SLC16A4: variants seen among roughly 807,000 people sequenced by gnomAD.
The protein encoded by SLC16A4 is solute carrier family 16 member 4.
A neutral mutation model predicts 47.9 loss-of-function variants in SLC16A4; 39 were observed. The ratio of observed to expected loss-of-function variants is 0.81; its 90% CI spans 0.63 to 1.06. The LOEUF (loss-of-function observed/expected upper bound fraction) is 1.06. SLC16A4 is among the 50% of genes least tolerant of loss of function. The pLI, the probability that SLC16A4 is intolerant of heterozygous loss-of-function variation, is 0.00. For missense variants in SLC16A4, 524 were observed against 573.8 expected (o/e 0.91, Z 0.89); for synonymous variants, 189 against 199.9 (o/e 0.95, Z 0.46).
In SLC16A4 at chr1:110,375,480, G is replaced by T; in HGVS notation, c.1314C>A (p.Val438=). 1 of 1,611,648 alleles carries T rather than the reference G, an allele frequency of 6.2e-7. No homozygotes were observed. The highest frequency in any genetic ancestry group is 1.6e-4 in the Middle Eastern group (1 of 6,062). The change falls in exon 8 of 9, where the codon GTC becomes GTA. Residue 438 remains valine, a synonymous_variant. Coordinates refer to ENST00000369779, the MANE Select transcript of SLC16A4 (RefSeq NM_004696.3). ...TACCTGCTATAGGTGGTCCAGAAAG[G>T]ACAGCCATCCCAGCAAAGAAACTGG... ...GLASFFAGMA[V]LSGPPIAGWL...
intron 3 of SLC16A4, 62 bp downstream of exon 3, chr1:110,382,772 A>C: frequency 2.1e-6 from 3 of 1,431,736 alleles, no homozygotes; most frequent in Non-Finnish European, 2.8e-6. Flanking sequence ...TTGAATAGGA[A>C]TCTTGGAATT....
chr1:110,376,924 CAATGTT>C lies in SLC16A4; in HGVS notation c.1242+20_1242+25del, dbSNP rs1485621421. 6 of 1,578,850 alleles carry C rather than the reference CAATGTT, an allele frequency of 3.8e-6. No homozygotes were observed. The Admixed American group carries it at 6.9e-5, about 18-fold the overall frequency. ...TACTTGCTTTTACTAAATGGTTTAA[CAATGTT>C]AATGAGTGTGTCTACTCACCAGTAC... is the stretch of plus-strand genomic sequence containing the variant. On this transcript the variant is annotated intron_variant, in intron 7 of 8. Transcript: ENST00000369779.
chr1:110,383,029 G>A (rs1303406575), intron 2 of SLC16A4, 63 bp from the exon 3 acceptor site: 34 of 1,436,942 alleles, frequency 2.4e-5, no homozygotes, highest in South Asian at 1.7e-4. Flanking sequence ...AGGCAATTAC[G>A]GCTACTAGAA....
intron 7 of SLC16A4, among the ~76,000 whole-genome samples, chr1:110,376,457 G>A (rs1332282793): frequency 6.6e-6 from 1 of 152,154 alleles, no homozygotes; most frequent in Non-Finnish European, 1.5e-5. Context: ...CATCTGGGTC[G>A]AGGACTTTGC....
At chr1:110,390,075 CCT>C (rs1204581033) in intron 1 of SLC16A4, among the ~76,000 whole-genome samples, 1 of 151,954 alleles carries the variant, frequency 6.6e-6, no homozygotes, top group Non-Finnish European at 1.5e-5. Context: ...AGAAAAAAAA[CCT>C]CTTTCCCTAT....
chr1:110,390,016 C>T (rs1011598398), intron 1 of SLC16A4, among the ~76,000 whole-genome samples: 3 of 152,176 alleles, frequency 2.0e-5, no homozygotes, highest in Non-Finnish European at 4.4e-5. Context: ...AACAAACCTA[C>T]ACATGTACCC....
intron 5 of SLC16A4, chr1:110,379,700 A>G (rs1662251975): frequency 5.3e-6 from 1 of 187,266 alleles, no homozygotes; most frequent in Admixed American, 5.5e-5. Flanking sequence ...AAGTGAGAGT[A>G]CAGATTTAGG....
At chr1:110,380,058 CAAA>C (rs542273389) in intron 5 of SLC16A4, among the ~76,000 whole-genome samples, 2 of 96,256 alleles carry the variant, frequency 2.1e-5, no homozygotes. Context: ...GAGCCTGTCT[CAAA>C]AAAAAAAAAA....
At chr1:110,379,391 C>T in intron 5 of SLC16A4, 35 bp from the exon 6 acceptor site, 1 of 1,556,424 alleles carries the variant, frequency 6.4e-7, no homozygotes, top group Non-Finnish European at 8.7e-7. Flanking sequence ...TAAAAATAGC[C>T]TTTCAGTTCA....
At position 110,378,852 on chromosome 1, in the gene SLC16A4, C is replaced by T; in HGVS notation, c.1030+1G>A. The T allele has an allele frequency of 2.5e-6, 4 of 1,599,752 alleles. No homozygotes were observed. Among genetic ancestry groups the T allele is most frequent in the Non-Finnish European group, 3.4e-6 (4 of 1,172,528 alleles). On this transcript the variant is annotated splice_donor_variant, in intron 6 of 8. Coordinates refer to ENST00000369779, the MANE Select transcript of SLC16A4 (RefSeq NM_004696.3). LOFTEE classifies it high-confidence loss of function. The stretch of plus-strand genomic sequence containing the variant: ...TAGGAGGCTGATGTAGGCTTTCTTA[C>T]CTGCTACAGAAACAAGGTAAGAGGC...
chr1:110,376,588 A>T (rs903447671), intron 7 of SLC16A4, among the ~76,000 whole-genome samples: 1 of 152,202 alleles, frequency 6.6e-6, no homozygotes, highest in Non-Finnish European at 1.5e-5. Context: ...TTTTCTCTTG[A>T]AGTGTTCTCA....
intron 4 of SLC16A4, 115 bp from the exon 5 acceptor site, chr1:110,381,258 G>A (rs1328225186): frequency 1.1e-6 from 1 of 871,530 alleles, no homozygotes; most frequent in Non-Finnish European, 1.8e-6. Context: ...CCCAGGAACA[G>A]TAGAAGGGAA....
At chr1:110,377,865 C>T (rs997913518) in intron 6 of SLC16A4, among the ~76,000 whole-genome samples, 7 of 151,982 alleles carry the variant, frequency 4.6e-5, no homozygotes, top group Admixed American at 2.0e-4. Flanking sequence ...AGTCACGCTC[C>T]GTCACCCAGG....
In SLC16A4 at chr1:110,379,353, G is replaced by T; in HGVS notation, c.530C>A (p.Ala177Asp). The T allele has an allele frequency of 6.3e-7, 1 of 1,593,792 alleles. No homozygotes were observed. Among genetic ancestry groups the T allele is most frequent in the Non-Finnish European group, 8.6e-7 (1 of 1,166,494 alleles). ...TGCGATAGCTCCAAATAATATAAGG[G>T]CTCCTAAATAGGGAGAGATTGAGCA... ...FLIDLYDWTG[A>D]LILFGAIALN... Residue 177 changes from alanine (A) to aspartate (D), a missense_variant, in exon 6 of 9, where the codon GCC becomes GAC. Coordinates refer to ENST00000369779, the MANE Select transcript of SLC16A4 (RefSeq NM_004696.3).
intron 8 of SLC16A4, among the ~76,000 whole-genome samples, chr1:110,374,762 A>G (rs900232487): frequency 6.6e-6 from 1 of 152,240 alleles, no homozygotes; most frequent in Admixed American, 6.5e-5. Flanking sequence ...ACAGCCCCCA[A>G]TATCCTCTCC....
rs189767480 is a variant in SLC16A4, at chr1:110,383,949, G to A, written c.88-983C>T. Among the ~76,000 whole-genome samples the A allele has an allele frequency of 2.8e-3, 421 of 151,998 alleles. 3 individuals carry two copies. The highest frequency in any genetic ancestry group is 4.2e-3 in the Non-Finnish European group (286 of 67,998). On this transcript the variant is annotated intron_variant, in intron 2 of 8. Transcript: ENST00000369779. ...CAGCTTGGAAGTTAGAAGCAGGATG[G>A]ATGGAGTTGGTTAGGTCAGATCTCT... is the stretch of plus-strand genomic sequence containing the variant.
intron 8 of SLC16A4, among the ~76,000 whole-genome samples, chr1:110,366,148 TCA>T (rs1209435269): frequency 7.5e-5 from 4 of 53,304 alleles, no homozygotes; most frequent in Admixed American, 1.8e-4. Flanking sequence ...TCTCTCTCTC[TCA>T]CTCACTCACT....
At chr1:110,386,867 C>T (rs1662762471) in intron 2 of SLC16A4, among the ~76,000 whole-genome samples, 1 of 152,246 alleles carries the variant, frequency 6.6e-6, no homozygotes. Context: ...TTGGCCCCCA[C>T]TGCTCCACTG....
intron 3 of SLC16A4, among the ~76,000 whole-genome samples, chr1:110,382,430 A>G (rs953098395): frequency 4.6e-5 from 7 of 152,008 alleles, no homozygotes; most frequent in Non-Finnish European, 7.4e-5. Context: ...CTGCACTCCA[A>G]CCTGGGCAAC....
Sources: allele counts gnomAD v4.1 joint callset (sites outside exome capture counted in the v4.1 genomes callset), GRCh38; gene constraint gnomAD v4.1.1; transcripts MANE v1.5; gene names NCBI Gene and HGNC (gene_info 2026-07-23, HGNC 2026-07-21).